Variants in CCDC150 observed in about 807,000 individuals in gnomAD.
The protein encoded by CCDC150 is coiled-coil domain containing 150.
In CCDC150, 151 loss-of-function variants were observed where a neutral mutation model predicts 156.5. That is an observed-to-expected ratio of 0.97 (90% confidence interval 0.85 to 1.10). The LOEUF is 1.10. Among genes scored for constraint, CCDC150 ranks in the 50% least tolerant of loss-of-function variants. CCDC150 has a pLI of 0.00. For missense variants in CCDC150, 1,312 were observed against 1,268.1 expected, an observed-to-expected ratio of 1.03 and a Z score of -0.53; for synonymous variants, 452 against 429.4, an observed-to-expected ratio of 1.05 and a Z score of -0.65.
intron 15 of CCDC150, among the ~76,000 whole-genome samples, chr2:196,710,457 C>T (rs1474104305): frequency 6.6e-6 from 1 of 152,190 alleles, no homozygotes; most frequent in Non-Finnish European, 1.5e-5. Context: ...CTTGCGCTTC[C>T]CGGGTGAGGC....
intron 21 of CCDC150, among the ~76,000 whole-genome samples, chr2:196,722,551 C>T (rs984258079): frequency 3.3e-5 from 5 of 152,068 alleles, no homozygotes; most frequent in Non-Finnish European, 4.4e-5. Context: ...GCTGGGATTA[C>T]AGGCATGAGC....
At chr2:196,719,715 A>AG in intron 19 of CCDC150, 49 bp downstream of exon 19, 1 of 1,374,506 alleles carries the variant, frequency 7.3e-7, no homozygotes, top group Non-Finnish European at 9.7e-7. Context: ...GATTGTACTA[A>AG]GGAGCAGTGT....
intron 13 of CCDC150, among the ~76,000 whole-genome samples, chr2:196,694,079 G>A (rs1695659643): frequency 7.2e-6 from 1 of 139,824 alleles, no homozygotes; most frequent in Non-Finnish European, 1.5e-5. Flanking sequence ...TTTTTGAGAT[G>A]GAGTTTCGCT....
intron 13 of CCDC150, among the ~76,000 whole-genome samples, chr2:196,684,212 T>G (rs1354059885): frequency 6.6e-6 from 1 of 152,180 alleles, no homozygotes; most frequent in Admixed American, 6.5e-5. Context: ...CTCTCTGCAC[T>G]GCTTTAGCTG....
At chr2:196,663,694 G>T (rs989735005) in intron 5 of CCDC150, among the ~76,000 whole-genome samples, 1 of 152,010 alleles carries the variant, frequency 6.6e-6, no homozygotes, top group Non-Finnish European at 1.5e-5. Flanking sequence ...TCCAAAATGA[G>T]CAATCTTGTA....
Position 196,669,806 on chromosome 2 carries a change from A to G in CCDC150, c.893-27A>G, listed in dbSNP as rs761492977. The G allele has an allele frequency of 8.0e-6, 12 of 1,502,604 alleles. No individual in the cohort carries two copies. The South Asian group carries it at 1.3e-4, about 16-fold the overall frequency. 93.1% of individuals were successfully genotyped at this position (1,502,604 alleles called of 1,614,324 possible). A position where few individuals can be genotyped will look rare whatever the true frequency, so the allele number is the denominator to read the frequency against. On this transcript the variant is annotated intron_variant, in intron 7 of 27. Transcript: ENST00000389175. ...TTTAATGTAGCAAGTTACTATTATC[A>G]TAGTTATGTGGAATTTTTGTTTTTA...
intron 5 of CCDC150, among the ~76,000 whole-genome samples, chr2:196,663,206 C>T (rs1350582519): frequency 1.3e-5 from 2 of 152,154 alleles, no homozygotes; most frequent in African/African-American, 2.4e-5. Flanking sequence ...CACCATTGCA[C>T]TCAGCCTGGC....
chr2:196,720,177 A>G (rs763368441), intron 19 of CCDC150: 2 of 390,742 alleles, frequency 5.1e-6, no homozygotes, highest in South Asian at 4.1e-5. Flanking sequence ...CTTTTAGGTT[A>G]AAGAATAAAT....
At chr2:196,697,471 G>T (rs1049016585) in intron 14 of CCDC150, among the ~76,000 whole-genome samples, 4 of 151,804 alleles carry the variant, frequency 2.6e-5, no homozygotes, top group Admixed American at 1.3e-4. Flanking sequence ...TCTCTTTTGG[G>T]GTTTAAACAT....
chr2:196,717,361 T>A (rs1697587826), intron 17 of CCDC150, among the ~76,000 whole-genome samples: 1 of 152,164 alleles, frequency 6.6e-6, no homozygotes, highest in Non-Finnish European at 1.5e-5. Flanking sequence ...GATGGAAATT[T>A]TGTGTCTTGA....
intron 22 of CCDC150, chr2:196,727,029 G>A (rs920532481): frequency 1.3e-5 from 2 of 152,142 alleles, no homozygotes; most frequent in African/African-American, 2.4e-5. Flanking sequence ...CAGTTAATTC[G>A]AGTATTAGAT....
intron 6 of CCDC150, among the ~76,000 whole-genome samples, chr2:196,666,367 G>T (rs1693839073): frequency 6.6e-6 from 1 of 152,184 alleles, no homozygotes; most frequent in African/African-American, 2.4e-5. Context: ...TTTAGGAATT[G>T]CAAATGATCC....
At chr2:196,646,197 C>T in intron 1 of CCDC150, 144 bp from the exon 2 acceptor site, 1 of 647,794 alleles carries the variant, frequency 1.5e-6, no homozygotes, top group Non-Finnish European at 2.6e-6. Flanking sequence ...TAACTTCCAC[C>T]TACATTTAAT....
Position 196,730,092 on chromosome 2 carries a change from A to T in CCDC150, c.2956A>T (p.Arg986Trp). 1 of 1,610,018 alleles carries T rather than the reference A, an allele frequency of 6.2e-7. No homozygotes were observed. Among genetic ancestry groups the T allele is most frequent in the South Asian group, 1.1e-5 (1 of 89,950 alleles). Residue 986 changes from arginine to tryptophan, a missense_variant, in exon 25 of 28, where the codon AGG becomes TGG. Arg to Trp is a moderately radical substitution (Grantham distance 101, BLOSUM62 -3). Coordinates refer to ENST00000389175, the MANE Select transcript of CCDC150 (RefSeq NM_001080539.2). ...GCACCTAGAAGCAGAGCGGAAAATA[A>T]GGCAGGAGCTAGAGAATCGGTGCCA... The part of the protein sequence containing the change: ...ELHLEAERKI[R>W]QELENRCQEL...
intron 7 of CCDC150, 136 bp from the exon 8 acceptor site, chr2:196,669,695 CTA>C (rs1694077454): frequency 1.6e-6 from 1 of 606,698 alleles, no homozygotes; most frequent in Non-Finnish European, 2.9e-6. Flanking sequence ...AGTTTCTAGT[CTA>C]TAAAAATATT....
rs1487283069 is a variant in CCDC150 at position 196,712,827 on chromosome 2, A to C, written c.1866+88A>C. On this transcript the variant is annotated intron_variant, in intron 17 of 27. Transcript: ENST00000389175. ...AGTTCACATAATATTTTAACGAATGAATAGAAAAAGTTAAGCAAGATAACA... is the reference window on the plus strand; with the variant it reads ...AGTTCACATAATATTTTAACGAATGCATAGAAAAAGTTAAGCAAGATAACA... The C allele has an allele frequency of 3.9e-6, 4 of 1,018,390 alleles. No individual in the cohort carries two copies. In the African/African-American group the frequency reaches 6.5e-5, roughly 16 times the overall value. 63.1% of individuals were successfully genotyped at this position (1,018,390 alleles called of 1,614,324 possible).
rs191859494 is a variant in CCDC150 at position 196,715,415 on chromosome 2, C to T, written c.1866+2676C>T. On this transcript the variant is annotated intron_variant, in intron 17 of 27. Coordinates refer to ENST00000389175, the MANE Select transcript of CCDC150 (RefSeq NM_001080539.2). ...AGGGTGGGGAGATAAAGAATATATA[C>T]GTATGTATTCACTTGTATAAGCATA... Among the ~76,000 whole-genome samples, 16 of 152,136 alleles carry T rather than the reference C, an allele frequency of 1.1e-4. No individual in the cohort carries two copies. In the East Asian group the frequency reaches 2.5e-3, roughly 24 times the overall value.
intron 5 of CCDC150, among the ~76,000 whole-genome samples, chr2:196,665,195 T>A (rs1693772952): frequency 6.6e-6 from 1 of 152,172 alleles, no homozygotes; most frequent in Admixed American, 6.5e-5. Context: ...GCAACACACA[T>A]ACATATACAC....
chr2:196,696,922 G>A (rs1286584516), intron 14 of CCDC150, among the ~76,000 whole-genome samples: 2 of 152,132 alleles, frequency 1.3e-5, no homozygotes, highest in Admixed American at 1.3e-4. Context: ...GATAGACCTG[G>A]TTTCAACCTC....
Sources: gnomAD v4.1 joint callset for allele counts (sites outside exome capture counted in the v4.1 genomes callset) on GRCh38, gnomAD v4.1.1 for gene constraint, MANE v1.5 for transcripts, NCBI Gene and HGNC (gene_info 2026-07-23, HGNC 2026-07-21) for gene names.